YME1L1: variants seen among roughly 807,000 people sequenced by gnomAD.
YME1L1 encodes the protein YME1 like 1 ATPase, also known as ATP-dependent zinc metalloprotease YME1L1.
YME1L1 carries 39 observed loss-of-function variants against 90.4 expected under a neutral mutation model. The ratio of observed to expected loss-of-function variants is 0.43; its 90% confidence interval spans 0.33 to 0.56. The LOEUF is 0.56. Ranked by LOEUF, YME1L1 falls within the 20% of genes least tolerant of loss-of-function variation. YME1L1 has a pLI of 0.03. For synonymous variants in YME1L1, 284 were observed against 287.3 expected, an observed-to-expected ratio of 0.99 and a Z score of 0.12; for missense variants, 617 against 868.4, an observed-to-expected ratio of 0.71 and a Z score of 3.64.
In YME1L1 at chr10:27,116,381, C is replaced by G. The variant is rs2480718; in HGVS notation, c.1720-36G>C. 0.99 allele frequency: 1,592,652 copies of G among 1,609,636 alleles called. 787,963 individuals carry two copies. The highest frequency in any genetic ancestry group is 1 in the East Asian group (44,827 of 44,828). ...AAAAATTAATCAGATAAAAAATAAG[C>G]AAAGAGGCTGGGTGCGGTGGCTCAC... On this transcript the variant is annotated intron_variant, in intron 15 of 18. Transcript: ENST00000376016.
At chr10:27,116,030 T>C in intron 17 of YME1L1, 30 bp downstream of exon 17, 1 of 1,573,772 alleles carries the variant, frequency 6.4e-7, no homozygotes, top group Non-Finnish European at 8.7e-7. Flanking sequence ...CATAATTTGA[T>C]ACATGAAAAG....
chr10:27,149,396 A>G (rs540071407), intron 1 of YME1L1, among the ~76,000 whole-genome samples: 53 of 152,312 alleles, frequency 3.5e-4, no homozygotes, highest in Middle Eastern at 3.4e-3. Flanking sequence ...AACATCCAGC[A>G]TTAGGGGAGC....
chr10:27,147,741 G>T, intron 2 of YME1L1: 1 of 1,536,728 alleles, frequency 6.5e-7, no homozygotes, highest in South Asian at 1.2e-5. Flanking sequence ...AACACCCGTG[G>T]TTTCTATAGC....
At position 27,147,582 on chromosome 10, in the gene YME1L1, C is replaced by T. The variant is rs775161442; in HGVS notation, c.168+1324G>A. Reference sequence around the variant, plus strand: ...TCTTCTTCATCCTTTTTGCTGGCTCCATGAACATGGATCTGTACCCTTCGA... The same window carrying T: ...TCTTCTTCATCCTTTTTGCTGGCTCTATGAACATGGATCTGTACCCTTCGA... On this transcript the variant is annotated intron_variant, in intron 2 of 18. Transcript: ENST00000376016. 8 of 1,592,184 alleles carry T rather than the reference C, an allele frequency of 5.0e-6. No homozygotes were observed. The South Asian group carries it at 9.1e-5, about 18-fold the overall frequency.
At chr10:27,145,775 G>A in intron 2 of YME1L1, 185 bp from the exon 3 acceptor site, 5 of 464,634 alleles carry the variant, frequency 1.1e-5, no homozygotes, top group Non-Finnish European at 1.4e-5. Flanking sequence ...TCAGTCATAT[G>A]AGGTTTGACA....
At chr10:27,152,146 A>T (rs1043936299) in intron 1 of YME1L1, among the ~76,000 whole-genome samples, 2 of 152,204 alleles carry the variant, frequency 1.3e-5, no homozygotes, top group Non-Finnish European at 2.9e-5. Context: ...AAAAATAAAC[A>T]GTAACTTCTT....
chr10:27,144,435 C>T (rs1429638045), intron 3 of YME1L1, among the ~76,000 whole-genome samples: 1 of 152,106 alleles, frequency 6.6e-6, no homozygotes, highest in African/African-American at 2.4e-5. Context: ...CAAATCAAAC[C>T]TTCATTATAA....
At chr10:27,151,537 A>G (rs988474045) in intron 1 of YME1L1, among the ~76,000 whole-genome samples, 2 of 152,246 alleles carry the variant, frequency 1.3e-5, no homozygotes, top group African/African-American at 4.8e-5. Context: ...TTGATACACA[A>G]ATAAATTCGT....
chr10:27,148,939 A>G lies in YME1L1; in HGVS notation c.135T>C (p.Asp45=). The change falls in exon 2 of 19, where the codon GAT becomes GAC. Residue 45 remains aspartate, a synonymous_variant. Transcript: ENST00000376016. ...TGGGAGCCTCATGCTCAGGAACTAC[A>G]TCTCGATGCTGGTTTTGAGAAACTG... ...GVSVSQNQHR[D]VVPEHEAPSS... 1 of 1,614,074 alleles carries G rather than the reference A, an allele frequency of 6.2e-7. No individual in the cohort carries two copies.
intron 3 of YME1L1, 117 bp downstream of exon 3, chr10:27,145,311 A>C: frequency 2.3e-6 from 2 of 874,520 alleles, no homozygotes; most frequent in Non-Finnish European, 1.6e-6. Context: ...CAAAAAAAAA[A>C]CACTTCAGGA....
Position 27,120,553 on chromosome 10 carries a change from G to A in YME1L1, c.1299-6C>T. 1.2e-6 allele frequency: 2 copies of A among 1,601,308 alleles called. No homozygotes were observed. The highest frequency in any genetic ancestry group is 1.7e-6 in the Non-Finnish European group (2 of 1,172,446). On this transcript the variant is annotated splice_region_variant and splice_polypyrimidine_tract_variant and intron_variant, in intron 12 of 18. Coordinates refer to ENST00000376016, the MANE Select transcript of YME1L1 (RefSeq NM_014263.4). ...GACCAGGACGTATTAAGGCACTACA[G>A]GAAGAATGCAAAAGGAAAATATAAA...
chr10:27,126,703 A>C lies in YME1L1; in HGVS notation c.942T>G (p.Leu314=). 6.5e-7 allele frequency: 1 copy of C among 1,530,210 alleles called. No individual in the cohort carries two copies. The highest frequency in any genetic ancestry group is 1.3e-5 in the South Asian group (1 of 79,750). The allele number at this position is 1,530,210 out of a possible 1,614,324, so 94.8% of individuals were successfully genotyped here. The change falls in exon 9 of 19, where the codon CTT becomes CTG. Residue 314 remains leucine (L), a synonymous_variant. Transcript: ENST00000376016. The part of the protein sequence containing the change: ...PQKFTILGGK[L]PKGILLVGPP... Reference sequence around the variant, plus strand: ...AAAGAAAAGATATCTTACCTTTTGGAAGTTTACCTCCAAGAATAGTAAATT... The same window carrying C: ...AAAGAAAAGATATCTTACCTTTTGGCAGTTTACCTCCAAGAATAGTAAATT...
intron 2 of YME1L1, chr10:27,147,161 T>C: frequency 3.8e-6 from 2 of 525,152 alleles, no homozygotes; most frequent in South Asian, 6.2e-5. Flanking sequence ...CTAAGTAACA[T>C]GATTAGTTCT....
chr10:27,126,745 G>A lies in YME1L1; in HGVS notation c.900C>T (p.Phe300=). 1 of 1,586,856 alleles carries A rather than the reference G, an allele frequency of 6.3e-7. No individual in the cohort carries two copies. The highest frequency in any genetic ancestry group is 8.6e-7 in the Non-Finnish European group (1 of 1,169,546). ...TAGTAAATTTTTGTGGATTTTTCAA[G>A]AATTCAACAACTTCCTGTAATTCTT... ...AKQELQEVVE[F]LKNPQKFTIL... The change falls in exon 9 of 19, where the codon TTC becomes TTT. Residue 300 remains phenylalanine (F), a synonymous_variant. Transcript: ENST00000376016.
chr10:27,150,260 T>C (rs1271022184), intron 1 of YME1L1, among the ~76,000 whole-genome samples: 1 of 152,154 alleles, frequency 6.6e-6, no homozygotes, highest in Admixed American at 6.6e-5. Flanking sequence ...AATGGGTTCT[T>C]ATTATATACC....
At chr10:27,140,354 C>T (rs922141654) in intron 4 of YME1L1, among the ~76,000 whole-genome samples, 4 of 152,008 alleles carry the variant, frequency 2.6e-5, no homozygotes, top group Admixed American at 2.6e-4. Flanking sequence ...TTGTCCTCAC[C>T]AAGAGTCTGA....
intron 7 of YME1L1, among the ~76,000 whole-genome samples, chr10:27,133,114 T>C (rs974481825): frequency 4.6e-5 from 7 of 152,190 alleles, no homozygotes; most frequent in East Asian, 1.9e-4. Context: ...GCAGAAAACA[T>C]TGACACACAT....
Position 27,154,178 on chromosome 10 carries a change from C to A in YME1L1, c.33G>T (p.Gln11His). MFSLSSTVQP[Q>H]VTVPLSHLIN... ...AAAATGGGCTGAATGCCTGGCTTAC[C>A]TGGGGTTGCACCGTGCTCGACAAGG... Residue 11 changes from glutamine (Q) to histidine (H), a missense_variant and splice_region_variant, in exon 1 of 19, where the codon CAG becomes CAT. Around this residue, in one of 4 missense-constraint regions of YME1L1, gnomAD observed 311 missense variants for 335.8 expected, o/e 0.93. Transcript: ENST00000376016. 6.3e-7 allele frequency: 1 copy of A among 1,590,694 alleles called. No homozygotes were observed. Among genetic ancestry groups the A allele is most frequent in the East Asian group, 2.3e-5 (1 of 43,984 alleles).
chr10:27,139,873 C>CT (rs553461784), intron 4 of YME1L1, among the ~76,000 whole-genome samples: 1 of 152,000 alleles, frequency 6.6e-6, no homozygotes, highest in African/African-American at 2.4e-5. Context: ...TAAATTGTTC[C>CT]TTTTTTTATA....
Sources: gnomAD v4.1 joint callset for allele counts (sites outside exome capture counted in the v4.1 genomes callset) on GRCh38, gnomAD v4.1.1 for gene constraint, gnomAD v4.1.1 regional missense constraint, MANE v1.5 for transcripts, NCBI Gene and HGNC (gene_info 2026-07-23, HGNC 2026-07-21) for gene names.